DCUN1D2: variants seen among roughly 807,000 people sequenced by gnomAD.
DCUN1D2 encodes the protein DCN1-like protein 2.
In DCUN1D2, 29 loss-of-function variants were observed where a neutral mutation model predicts 30.9. The observed-to-expected ratio is 0.94, with a 90% CI of 0.70 to 1.28. DCUN1D2 has a LOEUF of 1.28. Ranked by LOEUF, DCUN1D2 falls within the 50% of genes most tolerant of loss-of-function variation. The pLI is 0.00. For synonymous variants in DCUN1D2, 121 were observed against 115.3 expected, an observed-to-expected ratio of 1.05 and a Z score of -0.32; for missense variants, 325 against 316.9, an observed-to-expected ratio of 1.03 and a Z score of -0.19.
rs1416582614 is a variant in DCUN1D2 at position 113,490,193 on chromosome 13, C to G, written c.3+474G>C. ...CTAGGGCCCCGCTGTGCCTCTCCCT[C>G]CCCTCCCGGCAGCAGGGCCTCCCCC... On this transcript the variant is annotated intron_variant, in intron 1 of 6. Transcript: ENST00000478244. This position sits in a 1 kb window ranked among gnomAD's most constrained non-coding sequence, Gnocchi z 5.2. Among the ~76,000 whole-genome samples the G allele has an allele frequency of 1.3e-5, 2 of 152,236 alleles. No homozygotes were observed. The highest frequency in any genetic ancestry group is 4.8e-5 in the African/African-American group (2 of 41,474).
At position 113,484,061 on chromosome 13, in the gene DCUN1D2, G is replaced by A; in HGVS notation, c.4-5C>T. 6.2e-7 allele frequency: 1 copy of A among 1,613,082 alleles called. No homozygotes were observed. The highest frequency in any genetic ancestry group is 8.5e-7 in the Non-Finnish European group (1 of 1,179,916). On this transcript the variant is annotated splice_polypyrimidine_tract_variant and splice_region_variant and intron_variant, in intron 1 of 6. Coordinates refer to ENST00000478244, the MANE Select transcript of DCUN1D2 (RefSeq NM_001014283.2). ...CTGAGACGATTTAAGCTTATGCTTT[G>A]GGATGCAAAAGAAGTAGGAAAGCCA...
intron 3 of DCUN1D2, among the ~76,000 whole-genome samples, chr13:113,476,342 G>A (rs140063306): frequency 4.7e-4 from 71 of 152,226 alleles, no homozygotes; most frequent in African/African-American, 1.6e-3. Flanking sequence ...ATTTGCTATC[G>A]TGTCTTATTT....
chr13:113,483,894 T>G lies in DCUN1D2; in HGVS notation c.166A>C (p.Met56Leu). 6.2e-7 allele frequency: 1 copy of G among 1,613,820 alleles called. No homozygotes were observed. The highest frequency in any genetic ancestry group is 1.1e-5 in the South Asian group (1 of 91,066). Residue 56 changes from methionine (M) to leucine (L), a missense_variant, in exon 2 of 7, where the codon ATG becomes CTG. Coordinates refer to ENST00000478244, the MANE Select transcript of DCUN1D2 (RefSeq NM_001014283.2). ...QNPDSLHRES[M>L]RNAVDKKKLE... The stretch of plus-strand genomic sequence containing the variant: ...TTCTTCTTGTCCACAGCGTTCCGCA[T>G]GGACTCCCTGTGGAGCGAGTCTGGG...
At chr13:113,464,831 G>A (rs1213178840) in intron 4 of DCUN1D2, among the ~76,000 whole-genome samples, 1 of 152,252 alleles carries the variant, frequency 6.6e-6, no homozygotes, top group Non-Finnish European at 1.5e-5. Flanking sequence ...GTTTTGAGGT[G>A]TTTGCTGCGC....
upstream of DCUN1D2, chr13:113,490,738 G>A (rs1384643713): frequency 1.7e-6 from 2 of 1,165,128 alleles, no homozygotes; most frequent in Non-Finnish European, 2.1e-6. The surrounding 1 kb of genome is among the most constrained non-coding windows in gnomAD (Gnocchi z 5.2). Flanking sequence ...CTCCGCCCTC[G>A]TCCTCGGACG....
chr13:113,484,151 G>C, intron 1 of DCUN1D2, 95 bp from the exon 2 acceptor site: 1 of 1,557,648 alleles, frequency 6.4e-7, no homozygotes, highest in Non-Finnish European at 8.6e-7. Context: ...GGCAGAATTA[G>C]AGACAAAGCC....
intron 4 of DCUN1D2, among the ~76,000 whole-genome samples, chr13:113,464,590 G>C (rs2044370978): frequency 6.6e-6 from 1 of 152,272 alleles, no homozygotes; most frequent in Non-Finnish European, 1.5e-5. Flanking sequence ...GCGTTTCCAG[G>C]ACGGGGCAGT....
chr13:113,490,438 G>T lies in DCUN1D2; in HGVS notation c.3+229C>A. 2.6e-6 allele frequency: 1 copy of T among 387,490 alleles called. No individual in the cohort carries two copies. The highest frequency in any genetic ancestry group is 4.4e-5 in the South Asian group (1 of 22,700). The allele number at this position is 387,490 out of a possible 1,614,324, so 24.0% of individuals were successfully genotyped here. A position where few individuals can be genotyped will look rare whatever the true frequency, so the allele number is the denominator to read the frequency against. On this transcript the variant is annotated intron_variant, in intron 1 of 6. Transcript: ENST00000478244. This position sits in a 1 kb window ranked among gnomAD's most constrained non-coding sequence, Gnocchi z 5.2. ...GGCCCCCGCCCTCCGCTCACTCCCGGTCGTCCCTCGCGGCTCCGGGTCAAA... is the reference window on the plus strand; with the variant it reads ...GGCCCCCGCCCTCCGCTCACTCCCGTTCGTCCCTCGCGGCTCCGGGTCAAA...
chr13:113,463,855 T>TA (rs112316128), intron 4 of DCUN1D2, among the ~76,000 whole-genome samples: 13 of 151,736 alleles, frequency 8.6e-5, no homozygotes, highest in African/African-American at 3.1e-4. Context: ...AAATAAAGGG[T>TA]AATCTGTGTC....
chr13:113,475,483 T>G (rs932527666), intron 3 of DCUN1D2: 1 of 152,256 alleles, frequency 6.6e-6, no homozygotes, highest in Non-Finnish European at 1.5e-5. Flanking sequence ...CTCTGTGATA[T>G]CTGCACAGTG....
In DCUN1D2 at chr13:113,457,682, G is replaced by T. The variant is rs2044247894; in HGVS notation, c.*347C>A. The T allele has an allele frequency of 5.8e-6, 1 of 173,104 alleles. No homozygotes were observed. Among genetic ancestry groups the T allele is most frequent in the Admixed American group, 6.3e-5 (1 of 15,958 alleles). 10.7% of individuals were successfully genotyped at this position (173,104 alleles called of 1,614,324 possible). On this transcript the variant is annotated 3_prime_UTR_variant, in exon 7 of 7. Transcript: ENST00000478244. ...TTCGGCGGGACGCTGCCGGACGCTG[G>T]TTCGCCTGACGCGCGAGCTACGCAG... is the stretch of plus-strand genomic sequence containing the variant.
rs2044221258 is a variant in DCUN1D2, at chr13:113,456,082, C to G, written c.*1947G>C. The G allele has an allele frequency of 2.5e-6, 1 of 397,388 alleles. No homozygotes were observed. Among genetic ancestry groups the G allele is most frequent in the African/African-American group, 2.1e-5 (1 of 48,426 alleles). 24.6% of individuals were successfully genotyped at this position (397,388 alleles called of 1,614,324 possible). A position where few individuals can be genotyped will look rare whatever the true frequency, so the allele number is the denominator to read the frequency against. On this transcript the variant is annotated 3_prime_UTR_variant, in exon 7 of 7. Coordinates refer to ENST00000478244, the MANE Select transcript of DCUN1D2 (RefSeq NM_001014283.2). ...ATTACATGTCAAGAATCCATGAAGC[C>G]TGGAAGATACGCTCACGTTTTTGAG...
chr13:113,463,438 T>C (rs1409307991), intron 4 of DCUN1D2, among the ~76,000 whole-genome samples: 37 of 151,892 alleles, frequency 2.4e-4, no homozygotes, highest in Non-Finnish European at 1.5e-5. Context: ...ACACCTGTAA[T>C]CATAGCACTT....
chr13:113,468,774 A>G (rs942778442), intron 4 of DCUN1D2: 2 of 152,348 alleles, frequency 1.3e-5, no homozygotes, highest in Admixed American at 1.3e-4. Flanking sequence ...CCCAGAGGCA[A>G]CATTTACCAT....
In DCUN1D2 at chr13:113,456,203, C is replaced by A. The variant is rs2044223521; in HGVS notation, c.*1826G>T. On this transcript the variant is annotated 3_prime_UTR_variant, in exon 7 of 7. Transcript: ENST00000478244. ...ACAGGCCCAGTTTCCCATTAGAGTT[C>A]TGGAAGCAGAGCCTGGGGAAGGTCT... 7.5e-6 allele frequency: 3 copies of A among 398,526 alleles called. No individual in the cohort carries two copies. The highest frequency in any genetic ancestry group is 1.3e-5 in the Non-Finnish European group (3 of 226,090). The allele number at this position is 398,526 out of a possible 1,614,324, so 24.7% of individuals were successfully genotyped here.
At chr13:113,459,613 T>G (rs1250332488) in intron 5 of DCUN1D2, 1 of 414,920 alleles carries the variant, frequency 2.4e-6, no homozygotes, top group Non-Finnish European at 4.3e-6. Context: ...AGCAGATTTA[T>G]TTAAGAACAA....
chr13:113,474,162 G>A lies in DCUN1D2; in HGVS notation c.482C>T (p.Thr161Ile), dbSNP rs774973893. 1.5e-5 allele frequency: 25 copies of A among 1,613,974 alleles called. No homozygotes were observed. Among genetic ancestry groups the A allele is most frequent in the Non-Finnish European group, 1.9e-5 (22 of 1,179,984 alleles). ...TAKFKDFYQF[T>I]FTFAKNPGQK... is the part of the protein sequence containing the mutation. The stretch of plus-strand genomic sequence containing the variant: ...CCCTGGGTTCTTAGCGAAGGTGAAG[G>A]TAAACTGATAAAAATCTTTAAACTT... Residue 161 changes from threonine (T) to isoleucine (I), a missense_variant, in exon 4 of 7, where the codon ACC becomes ATC. By Grantham distance (89) the Thr-to-Ile change is moderately conservative. Coordinates refer to ENST00000478244, the MANE Select transcript of DCUN1D2 (RefSeq NM_001014283.2).
intron 4 of DCUN1D2, among the ~76,000 whole-genome samples, chr13:113,461,562 T>A (rs1459269350): frequency 6.6e-6 from 1 of 152,242 alleles, no homozygotes; most frequent in Non-Finnish European, 1.5e-5. Flanking sequence ...GTTCTCCAAA[T>A]AGACCTGCCT....
At chr13:113,465,092 C>T (rs1328371173) in intron 4 of DCUN1D2, among the ~76,000 whole-genome samples, 1 of 151,992 alleles carries the variant, frequency 6.6e-6, no homozygotes, top group Non-Finnish European at 1.5e-5. Flanking sequence ...AGGAAGTATC[C>T]CCTGCATTGC....
Sources: gnomAD v4.1 joint callset for allele counts (sites outside exome capture counted in the v4.1 genomes callset) on GRCh38, gnomAD v4.1.1 for gene constraint, Gnocchi (gnomAD v3.1) non-coding constraint, MANE v1.5 for transcripts, NCBI Gene and HGNC (gene_info 2026-07-23, HGNC 2026-07-21) for gene names.